BACH2: variants seen among roughly 807,000 people sequenced by gnomAD.
BACH2 encodes BACH transcriptional regulator 2.
In BACH2, 5 loss-of-function variants were observed where a neutral mutation model predicts 61.8. The ratio of observed to expected loss-of-function variants is 0.08; its 90% confidence interval spans 0.04 to 0.17. The LOEUF (loss-of-function observed/expected upper bound fraction) is 0.17, where lower values mean the gene tolerates loss of function less well. Ranked by LOEUF, BACH2 falls within the 10% of genes least tolerant of loss-of-function variation. BACH2 has a pLI of 1.00. For missense variants in BACH2, 824 were observed against 1,091.1 expected (o/e 0.76, Z 3.45); for synonymous variants, 446 against 440.1 (o/e 1.01, Z -0.17).
At chr6:90,251,599 T>A (rs1221628177) in intron 3 of BACH2, among the ~76,000 whole-genome samples, 3 of 151,382 alleles carry the variant, frequency 2.0e-5, no homozygotes, top group African/African-American at 7.3e-5. Flanking sequence ...GCTTTCAGAA[T>A]TTTTTCCCTT....
intron 4 of BACH2, among the ~76,000 whole-genome samples, chr6:90,100,704 C>CACACAG (rs1782579382): frequency 1.5e-5 from 1 of 66,344 alleles, no homozygotes; most frequent in African/African-American, 6.5e-5. Context: ...CACACACAGA[C>CACACAG]ACACACACAC....
intron 5 of BACH2, among the ~76,000 whole-genome samples, chr6:90,009,490 C>T (rs559144566): frequency 1.3e-5 from 2 of 152,312 alleles, no homozygotes; most frequent in African/African-American, 2.4e-5. Context: ...GCAATAGTTG[C>T]TCAGCTCTTA....
At chr6:90,099,738 C>T (rs762633268) in intron 4 of BACH2, among the ~76,000 whole-genome samples, 6 of 152,168 alleles carry the variant, frequency 3.9e-5, no homozygotes, top group South Asian at 2.1e-4. Flanking sequence ...GGACCACTTA[C>T]GTTTGGAGGC....
At chr6:90,127,848 C>T (rs180941382) in intron 4 of BACH2, among the ~76,000 whole-genome samples, 1 of 152,228 alleles carries the variant, frequency 6.6e-6, no homozygotes, top group Admixed American at 6.5e-5. Context: ...AAATGAAGAC[C>T]GTTGACACTT....
At chr6:90,034,681 A>G (rs1009998639) in intron 5 of BACH2, among the ~76,000 whole-genome samples, 7 of 152,130 alleles carry the variant, frequency 4.6e-5, no homozygotes, top group African/African-American at 1.4e-4. Flanking sequence ...AGATTACAAC[A>G]GTGTTAGCAA....
intron 3 of BACH2, among the ~76,000 whole-genome samples, chr6:90,210,007 A>C (rs1769288178): frequency 6.6e-6 from 1 of 152,194 alleles, no homozygotes; most frequent in Non-Finnish European, 1.5e-5. Flanking sequence ...TTAAAAAGGA[A>C]AACCTCTTAA....
intron 5 of BACH2, among the ~76,000 whole-genome samples, chr6:90,072,372 A>G (rs997656953): frequency 3.9e-5 from 6 of 152,226 alleles, no homozygotes; most frequent in Non-Finnish European, 8.8e-5. Context: ...ACAGTGCTCC[A>G]GGGTCTTTGC....
chr6:90,042,527 G>T (rs1207920401), intron 5 of BACH2, among the ~76,000 whole-genome samples: 1 of 152,138 alleles, frequency 6.6e-6, no homozygotes, highest in Non-Finnish European at 1.5e-5. Flanking sequence ...GCCATTCATG[G>T]TGTATTGACC....
chr6:90,290,317 A>T (rs865997365), intron 1 of BACH2, among the ~76,000 whole-genome samples: 4 of 152,340 alleles, frequency 2.6e-5, no homozygotes, highest in Admixed American at 6.5e-5. Context: ...GCAGTGGGTT[A>T]TCTGTTACTA....
intron 4 of BACH2, among the ~76,000 whole-genome samples, chr6:90,199,606 A>C (rs915001486): frequency 6.6e-6 from 1 of 152,154 alleles, no homozygotes; most frequent in African/African-American, 2.4e-5. Flanking sequence ...TTCTTCCGGA[A>C]ACTTCACAGA....
intron 3 of BACH2, among the ~76,000 whole-genome samples, chr6:90,232,157 TTCTACC>T (rs1770120700): frequency 6.6e-6 from 1 of 152,220 alleles, no homozygotes; most frequent in African/African-American, 2.4e-5. Flanking sequence ...AATCAGCAGT[TTCTACC>T]CTTTTCACAT....
intron 5 of BACH2, among the ~76,000 whole-genome samples, chr6:90,080,939 T>C (rs189257558): frequency 1.6e-4 from 24 of 152,234 alleles, no homozygotes; most frequent in Non-Finnish European, 2.6e-4. Context: ...ACTTGTGTTG[T>C]AAAAACACAG....
intron 2 of BACH2, among the ~76,000 whole-genome samples, chr6:90,256,898 C>T (rs1770997652): frequency 6.6e-6 from 1 of 152,192 alleles, no homozygotes; most frequent in African/African-American, 2.4e-5. Flanking sequence ...CAACCCATAT[C>T]CCTGGTAACC....
At chr6:90,103,184 C>A (rs959760037) in intron 4 of BACH2, among the ~76,000 whole-genome samples, 2 of 151,380 alleles carry the variant, frequency 1.3e-5, no homozygotes, top group Admixed American at 1.3e-4. Context: ...GTGAAAGGAT[C>A]AAAATATCAC....
intron 5 of BACH2, chr6:90,062,878 G>C (rs1780756992): frequency 1.0e-6 from 1 of 980,170 alleles, no homozygotes. Context: ...CAGATGAAAG[G>C]CTGACCTGGC....
intron 4 of BACH2, among the ~76,000 whole-genome samples, chr6:90,110,007 T>C (rs1163158455): frequency 1.3e-5 from 2 of 152,222 alleles, no homozygotes; most frequent in Non-Finnish European, 2.9e-5. Flanking sequence ...TTATGAAAAT[T>C]AATACATTTT....
intron 3 of BACH2, among the ~76,000 whole-genome samples, chr6:90,209,117 G>C (rs1034789213): frequency 6.6e-6 from 1 of 151,990 alleles, no homozygotes; most frequent in Admixed American, 6.6e-5. Context: ...ATGAGTTGAT[G>C]GGTGCAGCAA....
At chr6:90,009,059 G>A (rs1220603182) in intron 5 of BACH2, among the ~76,000 whole-genome samples, 1 of 152,178 alleles carries the variant, frequency 6.6e-6, no homozygotes, top group Non-Finnish European at 1.5e-5. Context: ...GTAAAGTCAA[G>A]TTCCACAGCT....
At chr6:90,262,374 C>A (rs776611256) in intron 2 of BACH2, among the ~76,000 whole-genome samples, 6 of 152,162 alleles carry the variant, frequency 3.9e-5, no homozygotes, top group Non-Finnish European at 7.3e-5. Flanking sequence ...ATTCACCTAT[C>A]TGTGGAGCCC....
Sources: gnomAD v4.1 joint callset for allele counts (sites outside exome capture counted in the v4.1 genomes callset) on GRCh38, gnomAD v4.1.1 for gene constraint, MANE v1.5 for transcripts, NCBI Gene and HGNC (gene_info 2026-07-23, HGNC 2026-07-21) for gene names.